MUC20: variants seen among roughly 807,000 people sequenced by gnomAD.
MUC20 encodes mucin 20, cell surface associated.
A neutral mutation model predicts 23.8 loss-of-function variants in MUC20; 14 were observed. That is an observed-to-expected ratio of 0.59 (90% CI 0.39 to 0.92). The LOEUF (loss-of-function observed/expected upper bound fraction) is 0.92. MUC20 is among the 40% of genes least tolerant of loss of function. MUC20 has a pLI of 0.00. For synonymous variants in MUC20, 166 were observed against 279.3 expected (o/e 0.59, Z 4.04); for missense variants, 375 against 668.8 (o/e 0.56, Z 4.85).
chr3:195,726,683 T>C (rs1395727301), intron 2 of MUC20, 111 bp downstream of exon 2: 40 of 1,280,424 alleles, frequency 3.1e-5, no homozygotes, highest in Non-Finnish European at 4.0e-5. Flanking sequence ...ACTCAGAGCC[T>C]GCTCCTGATG....
At chr3:195,724,267 A>G (rs1209645749) in intron 1 of MUC20, 11 of 156,800 alleles carry the variant, frequency 7.0e-5, no homozygotes, top group Non-Finnish European at 1.1e-4. Context: ...TCCATGGGGA[A>G]CTATGTGTTG....
At position 195,733,413 on chromosome 3, in the gene MUC20, T is replaced by G; in HGVS notation, c.*195T>G. 1 of 1,444,564 alleles carries G rather than the reference T, an allele frequency of 6.9e-7. No homozygotes were observed. Among genetic ancestry groups the G allele is most frequent in the Non-Finnish European group, 9.1e-7 (1 of 1,102,032 alleles). 89.5% of individuals were successfully genotyped at this position (1,444,564 alleles called of 1,614,324 possible). On this transcript the variant is annotated 3_prime_UTR_variant, in exon 4 of 4. Coordinates refer to ENST00000447234, the MANE Select transcript of MUC20 (RefSeq NM_001282506.2). Reference sequence around the variant, plus strand: ...CCTCGCTCACATCCACCGGAGTGTATGTGTGGGGAGGGGCTTCACCTGTTC... The same window carrying G: ...CCTCGCTCACATCCACCGGAGTGTAGGTGTGGGGAGGGGCTTCACCTGTTC...
chr3:195,732,080 C>T (rs1208890274), intron 3 of MUC20, among the ~76,000 whole-genome samples: 1 of 152,098 alleles, frequency 6.6e-6, no homozygotes, highest in Non-Finnish European at 1.5e-5. Flanking sequence ...CTTGGCTCAC[C>T]ACAACCTCCG....
intron 3 of MUC20, 43 bp from the exon 4 acceptor site, chr3:195,733,107 G>A (rs1379337966): frequency 6.4e-7 from 1 of 1,555,198 alleles, no homozygotes. Context: ...CGAGCTCATG[G>A]GCCAGATGGG....
At chr3:195,728,421 G>A (rs571762442) in intron 2 of MUC20, among the ~76,000 whole-genome samples, 1 of 152,416 alleles carries the variant, frequency 6.6e-6, no homozygotes, top group South Asian at 2.1e-4. Flanking sequence ...GCCTGGATGT[G>A]CACGTAGGCC....
intron 1 of MUC20, chr3:195,722,117 C>T (rs1373276372): frequency 1.4e-4 from 70 of 492,034 alleles, no homozygotes; most frequent in Non-Finnish European, 3.2e-5. Flanking sequence ...ACCAGAGTGG[C>T]ACATTTGATA....
Position 195,725,032 on chromosome 3 carries a change from T to C in MUC20, c.429T>C (p.Leu143=), listed in dbSNP as rs1373701965. The change falls in exon 2 of 4, where the codon CTT becomes CTC. Residue 143 remains leucine (L), a synonymous_variant. Transcript: ENST00000447234. ...CCAGGGAAGCCATCTTTGACACCCT[T>C]TGCACCGATGACAGCTCTGAAGAGG... is the stretch of plus-strand genomic sequence containing the variant. The part of the protein sequence containing the change: ...SDPREAIFDT[L]CTDDSSEEAK... 1 of 1,599,970 alleles carries C rather than the reference T, an allele frequency of 6.3e-7. No individual in the cohort carries two copies. The highest frequency in any genetic ancestry group is 1.5e-5 in the African/African-American group (1 of 67,890).
At chr3:195,727,165 A>G (rs1316985748) in intron 2 of MUC20, among the ~76,000 whole-genome samples, 1 of 152,240 alleles carries the variant, frequency 6.6e-6, no homozygotes, top group Non-Finnish European at 1.5e-5. Context: ...TTTGGGAGGC[A>G]GAGGCCGGCG....
chr3:195,730,099 CAAAAAAA>C (rs4036961), intron 3 of MUC20: 21,682 of 94,092 alleles, frequency 0.23, 170 homozygotes, highest in East Asian at 0.45. Flanking sequence ...GCAGTTTATG[CAAAAAAA>C]AAAAAAAAAA....
intron 2 of MUC20, among the ~76,000 whole-genome samples, 160 bp downstream of exon 2, chr3:195,726,732 C>T (rs781257181): frequency 3.9e-5 from 6 of 152,216 alleles, no homozygotes; most frequent in Non-Finnish European, 5.9e-5. Context: ...TTGGCGAAAT[C>T]AGGAAAAGGC....
intron 3 of MUC20, among the ~76,000 whole-genome samples, chr3:195,731,507 G>T (rs1422412335): frequency 2.0e-5 from 3 of 152,254 alleles, no homozygotes; most frequent in African/African-American, 7.2e-5. Flanking sequence ...AGGACAGCAG[G>T]CTTGGAAAAT....
At chr3:195,730,189 G>A (rs143513032) in intron 3 of MUC20, 133 of 163,886 alleles carry the variant, frequency 8.1e-4, no homozygotes, top group Admixed American at 1.7e-3. Context: ...CAGCTCCAGC[G>A]CCATCACAGG....
chr3:195,721,255 C>T (rs573765385), intron 1 of MUC20, among the ~76,000 whole-genome samples, 172 bp downstream of exon 1: 37 of 102,278 alleles, frequency 3.6e-4, no homozygotes, highest in Non-Finnish European at 6.2e-4. Context: ...GTGCAAATGA[C>T]AGTGTGAGTG....
chr3:195,733,388 C>A lies in MUC20; in HGVS notation c.*170C>A. On this transcript the variant is annotated 3_prime_UTR_variant, in exon 4 of 4. Transcript: ENST00000447234. ...CTGACCCCAGATGTGGCAACAGGAC[C>A]CTCGCTCACATCCACCGGAGTGTAT... is the stretch of plus-strand genomic sequence containing the variant. The A allele has an allele frequency of 1.4e-6, 2 of 1,462,498 alleles. No individual in the cohort carries two copies. Among genetic ancestry groups the A allele is most frequent in the Non-Finnish European group, 1.8e-6 (2 of 1,108,172 alleles). 90.6% of individuals were successfully genotyped at this position (1,462,498 alleles called of 1,614,324 possible). A position where few individuals can be genotyped will look rare whatever the true frequency, so the allele number is the denominator to read the frequency against.
Position 195,726,250 on chromosome 3 carries a change from AG to A in MUC20, c.1648del (p.Ala550LeufsTer5), listed in dbSNP as rs1321975471. ...TPSYVKVSGA[A>X]PVSIEAGSAV... ...CAAGTTACGTCAAAGTCTCAGGAGCAGCTCCGGTCTCCATAGAGGCTGGGTC... is the reference window on the plus strand; with the variant it reads ...CAAGTTACGTCAAAGTCTCAGGAGCACTCCGGTCTCCATAGAGGCTGGGTC... On this transcript the variant is annotated frameshift_variant, in exon 2 of 4. Transcript: ENST00000447234. LOFTEE classifies it high-confidence loss of function. 1.2e-6 allele frequency: 2 copies of A among 1,613,996 alleles called. No homozygotes were observed. The highest frequency in any genetic ancestry group is 2.2e-5 in the South Asian group (2 of 91,078).
rs756423157 is a variant in MUC20 at position 195,725,773 on chromosome 3, CG to C, written c.1172del (p.Gly391AlafsTer24). The C allele has an allele frequency of 6.6e-7, 1 of 1,507,474 alleles. No homozygotes were observed. Among genetic ancestry groups the C allele is most frequent in the South Asian group, 1.2e-5 (1 of 85,202 alleles). The allele number at this position is 1,507,474 out of a possible 1,614,324, so 93.4% of individuals were successfully genotyped here. On this transcript the variant is annotated frameshift_variant, in exon 2 of 4. Coordinates refer to ENST00000447234, the MANE Select transcript of MUC20 (RefSeq NM_001282506.2). LOFTEE classifies it high-confidence loss of function. The part of the protein sequence containing the change: ...RASESSASSD[G>X]PHPVITPSWS... ...CCTCAGAGAGCAGCGCCTCTTCCGA[CG>C]GCCCCCATCCAGTCATCACCCCCTC...
intron 3 of MUC20, among the ~76,000 whole-genome samples, chr3:195,732,508 C>T (rs1463673510): frequency 6.6e-6 from 1 of 152,226 alleles, no homozygotes; most frequent in Non-Finnish European, 1.5e-5. Flanking sequence ...TACAGGTGCA[C>T]ACTACCACTC....
intron 3 of MUC20, among the ~76,000 whole-genome samples, chr3:195,732,128 T>C (rs1225674712): frequency 6.7e-6 from 1 of 150,236 alleles, no homozygotes; most frequent in Non-Finnish European, 1.5e-5. Context: ...CTCAACCTTC[T>C]GAGTAGCTGG....
intron 2 of MUC20, among the ~76,000 whole-genome samples, chr3:195,727,853 G>T (rs1712867794): frequency 6.6e-6 from 1 of 151,704 alleles, no homozygotes; most frequent in Admixed American, 6.6e-5. Context: ...GTTATCTGAT[G>T]CCAGGCAGTG....
Sources: allele counts gnomAD v4.1 joint callset (sites outside exome capture counted in the v4.1 genomes callset), GRCh38; gene constraint gnomAD v4.1.1; transcripts MANE v1.5; gene names NCBI Gene and HGNC (gene_info 2026-07-23, HGNC 2026-07-21).